The following PITPNM3 variants were observed in gnomAD, a reference collection of about 807,000 sequenced individuals.
PITPNM3 encodes PITPNM family member 3, also known as membrane-associated phosphatidylinositol transfer protein 3.
In PITPNM3, 26 loss-of-function variants were observed where a neutral mutation model predicts 102.0. The ratio of observed to expected loss-of-function variants is 0.25; its 90% CI spans 0.19 to 0.35. The LOEUF (loss-of-function observed/expected upper bound fraction) is 0.35. Ranked by LOEUF, PITPNM3 falls within the 10% of genes least tolerant of loss-of-function variation. The pLI, the probability that PITPNM3 is intolerant of heterozygous loss-of-function variation, is 1.00. For missense variants in PITPNM3, 1,083 were observed against 1,346.1 expected (o/e 0.80, Z 3.06); for synonymous variants, 578 against 558.6 (o/e 1.03, Z -0.49).
rs1408444486 is a variant in PITPNM3 at position 6,484,359 on chromosome 17, C to T, written c.275-67G>A. ...CTACAGTGACCAGACACTCCCTGGG[C>T]CCAGCTGGCCCTAAAGGTGAGACCT... is the stretch of plus-strand genomic sequence containing the variant. On this transcript the variant is annotated intron_variant, in intron 4 of 19. Transcript: ENST00000262483. The T allele has an allele frequency of 2.7e-6, 4 of 1,468,694 alleles. No homozygotes were observed. The African/African-American group carries it at 4.2e-5, about 15-fold the overall frequency. The allele number at this position is 1,468,694 out of a possible 1,614,324, so 91.0% of individuals were successfully genotyped here.
chr17:6,489,483 T>A (rs1273642514), intron 4 of PITPNM3, among the ~76,000 whole-genome samples: 1 of 79,446 alleles, frequency 1.3e-5, no homozygotes, highest in Non-Finnish European at 2.7e-5. Flanking sequence ...TTTTTTTATT[T>A]TTTTTTTGCC....
chr17:6,468,605 C>A lies in PITPNM3; in HGVS notation c.1774-264G>T, dbSNP rs1904904857. Among the ~76,000 whole-genome samples the A allele has an allele frequency of 6.6e-6, 1 of 152,160 alleles. No individual in the cohort carries two copies. The highest frequency in any genetic ancestry group is 1.5e-5 in the Non-Finnish European group (1 of 68,032). On this transcript the variant is annotated intron_variant, in intron 13 of 19. Coordinates refer to ENST00000262483, the MANE Select transcript of PITPNM3 (RefSeq NM_031220.4). This position sits in a 1 kb window ranked among gnomAD's most constrained non-coding sequence, Gnocchi z 5.2. ...GCCCAAACCTGGCAGCCACCTCTAT[C>A]TGTCCCCACTCTCTGCCCTCCCTCT... is the stretch of plus-strand genomic sequence containing the variant.
chr17:6,475,105 G>C (rs1299311392), intron 9 of PITPNM3, among the ~76,000 whole-genome samples: 1 of 152,174 alleles, frequency 6.6e-6, no homozygotes, highest in Non-Finnish European at 1.5e-5. Context: ...CCAACACTCA[G>C]CTGGCTAACG....
chr17:6,475,420 G>A (rs1307223546), intron 9 of PITPNM3, among the ~76,000 whole-genome samples: 6 of 152,152 alleles, frequency 3.9e-5, no homozygotes, highest in African/African-American at 7.2e-5. Context: ...AGAGTGAATC[G>A]ATTAACTGAA....
chr17:6,505,197 T>C (rs536863181), intron 3 of PITPNM3, among the ~76,000 whole-genome samples: 2 of 145,858 alleles, frequency 1.4e-5, no homozygotes, highest in African/African-American at 5.2e-5. Context: ...ACAAATAAAA[T>C]ATATATATAT....
At chr17:6,500,346 C>T (rs1907096721) in intron 4 of PITPNM3, among the ~76,000 whole-genome samples, 1 of 152,230 alleles carries the variant, frequency 6.6e-6, no homozygotes, top group Non-Finnish European at 1.5e-5. Flanking sequence ...TGCGATTCTT[C>T]TTGTTTTAAT....
intron 2 of PITPNM3, among the ~76,000 whole-genome samples, chr17:6,532,294 T>C (rs148449886): frequency 1.3e-5 from 2 of 152,244 alleles, no homozygotes; most frequent in African/African-American, 2.4e-5. Context: ...TTTTATGTTA[T>C]ATGGTGGGGA....
At position 6,483,614 on chromosome 17, in the gene PITPNM3, C is replaced by T. The variant is rs1189345908; in HGVS notation, c.490G>A (p.Val164Ile). 3.1e-6 allele frequency: 5 copies of T among 1,613,952 alleles called. No homozygotes were observed. Among genetic ancestry groups the T allele is most frequent in the Non-Finnish European group, 3.4e-6 (4 of 1,180,036 alleles). Residue 164 changes from valine to isoleucine, a missense_variant, in exon 6 of 20, where the codon GTC (valine) becomes ATC (isoleucine). By Grantham distance (29) the Val-to-Ile change is conservative. Around this residue, in one of 5 missense-constraint regions of PITPNM3, gnomAD observed 290 missense variants for 337.8 expected, o/e 0.86. Coordinates refer to ENST00000262483, the MANE Select transcript of PITPNM3 (RefSeq NM_031220.4). ...GCAGCAGGGAAATGGGCTCGTGTGA[C>T]CTTCTCCAGCACGGAGCTGAAGGTG... ...IHTFSSVLEK[V>I]TRAHFPAALG...
intron 2 of PITPNM3, among the ~76,000 whole-genome samples, chr17:6,528,725 A>C (rs1170910726): frequency 6.6e-6 from 1 of 151,700 alleles, no homozygotes; most frequent in Non-Finnish European, 1.5e-5. Flanking sequence ...CAACTCCCCA[A>C]CATGCTTTCT....
In PITPNM3 at chr17:6,545,436, C is replaced by A. The variant is rs116266623; in HGVS notation, c.23-7354G>T. 6.9e-3 allele frequency among the ~76,000 whole-genome samples: 1,045 copies of A among 152,278 alleles called. 9 individuals are homozygous for A. Among genetic ancestry groups the A allele is most frequent in the African/African-American group, 0.024 (1,008 of 41,540 alleles). ...CTGGAAATGCTTGCCCCTGCCCACG[C>A]TCGTGAGGCCAATCCCCCTCTCCTC... On this transcript the variant is annotated intron_variant, in intron 1 of 19. Transcript: ENST00000262483.
intron 3 of PITPNM3, among the ~76,000 whole-genome samples, chr17:6,519,514 G>A (rs1406450738): frequency 2.0e-5 from 3 of 148,090 alleles, no homozygotes; most frequent in African/African-American, 5.0e-5. Context: ...GTGAGACTCC[G>A]TCTCAGAAAA....
At chr17:6,532,621 T>C (rs557728986) in intron 2 of PITPNM3, among the ~76,000 whole-genome samples, 52 of 152,254 alleles carry the variant, frequency 3.4e-4, no homozygotes, top group South Asian at 1.0e-3. Flanking sequence ...TTCTTTCACT[T>C]GGCATGATTA....
At chr17:6,520,950 A>G (rs142885152) in intron 3 of PITPNM3, among the ~76,000 whole-genome samples, 5 of 152,240 alleles carry the variant, frequency 3.3e-5, no homozygotes, top group African/African-American at 1.2e-4. Context: ...TCATGGAGAC[A>G]GAAAGTAGAA....
At position 6,554,318 on chromosome 17, in the gene PITPNM3, C is replaced by CAAAA. The variant is rs35188321; in HGVS notation, c.22+2063_22+2066dup. Among the ~76,000 whole-genome samples, 40 of 74,528 alleles carry CAAAA rather than the reference C, an allele frequency of 5.4e-4. 1 individual carries two copies. The highest frequency in any genetic ancestry group is 2.0e-3 in the African/African-American group (38 of 18,678). 48.9% of individuals were successfully genotyped at this position (74,528 alleles called of 152,430 possible). ...TGGGAGACAGACCGAGACTCCATCT[C>CAAAA]AAAAAAAAAAAAAAAAAAAAAGGAG... On this transcript the variant is annotated intron_variant, in intron 1 of 19. Coordinates refer to ENST00000262483, the MANE Select transcript of PITPNM3 (RefSeq NM_031220.4).
In PITPNM3 at chr17:6,470,957, C is replaced by T. The variant is rs7208269; in HGVS notation, c.1624+204G>A. Among the ~76,000 whole-genome samples the T allele has an allele frequency of 0.053, 8,029 of 152,172 alleles. 286 individuals are homozygous for T. The highest frequency in any genetic ancestry group is 0.1 in the African/African-American group (4,176 of 41,506). ...TCCAAGGTCAGAGCTCAGTTTGGGG[C>T]CAGAGTGAGGATCTGGACCGATGCC... On this transcript the variant is annotated intron_variant, in intron 12 of 19. Coordinates refer to ENST00000262483, the MANE Select transcript of PITPNM3 (RefSeq NM_031220.4). The surrounding 1 kb of genome is among the most constrained non-coding windows in gnomAD (Gnocchi z 4.8).
chr17:6,505,090 T>C (rs9904995), intron 3 of PITPNM3, among the ~76,000 whole-genome samples: 105,467 of 151,064 alleles, frequency 0.7, 37,005 homozygotes, highest in Middle Eastern at 0.81. Flanking sequence ...GCAGGAGAAT[T>C]GCTTGAACCC....
intron 1 of PITPNM3, among the ~76,000 whole-genome samples, chr17:6,548,903 G>T (rs1166217210): frequency 6.6e-6 from 1 of 152,094 alleles, no homozygotes; most frequent in Non-Finnish European, 1.5e-5. Context: ...CCCTTGTTTG[G>T]CATCCCTGCT....
At position 6,458,866 on chromosome 17, in the gene PITPNM3, G is replaced by C. The variant is rs745610509; in HGVS notation, c.2491-1144C>G. Among the ~76,000 whole-genome samples the C allele has an allele frequency of 2.0e-5, 3 of 151,740 alleles. No individual in the cohort carries two copies. Among genetic ancestry groups the C allele is most frequent in the African/African-American group, 7.3e-5 (3 of 41,266 alleles). ...TGTGTTTTTGTACATGCTGCCCACC[G>C]AGAGCTGCTAAAGAAACAGAGCCAC... On this transcript the variant is annotated intron_variant, in intron 18 of 19. Transcript: ENST00000262483. This position sits in a 1 kb window ranked among gnomAD's most constrained non-coding sequence, Gnocchi z 5.1.
At chr17:6,462,904 CCT>C (rs1904542289) in intron 17 of PITPNM3, among the ~76,000 whole-genome samples, 1 of 152,006 alleles carries the variant, frequency 6.6e-6, no homozygotes, top group Non-Finnish European at 1.5e-5. Flanking sequence ...TGGGGAGCAC[CCT>C]GGAGCCCATG....
Sources: gnomAD v4.1 joint callset for allele counts (sites outside exome capture counted in the v4.1 genomes callset) on GRCh38, gnomAD v4.1.1 for gene constraint, gnomAD v4.1.1 regional missense constraint, Gnocchi (gnomAD v3.1) non-coding constraint, MANE v1.5 for transcripts, NCBI Gene and HGNC (gene_info 2026-07-23, HGNC 2026-07-21) for gene names.